Variants in OSBPL2 observed in about 807,000 individuals in gnomAD.
OSBPL2 encodes the protein oxysterol-binding protein-related protein 2.
OSBPL2 carries 18 observed loss-of-function variants against 58.4 expected under a neutral mutation model. The ratio of observed to expected loss-of-function variants is 0.31; its 90% CI spans 0.21 to 0.46. The LOEUF (loss-of-function observed/expected upper bound fraction) is 0.46. Among genes scored for constraint, OSBPL2 ranks in the 20% least tolerant of loss-of-function variants. OSBPL2 has a pLI of 1.00. For synonymous variants in OSBPL2, 221 were observed against 234.1 expected (o/e 0.94, Z 0.51); for missense variants, 461 against 616.5 (o/e 0.75, Z 2.67).
intron 6 of OSBPL2, among the ~76,000 whole-genome samples, chr20:62,276,298 G>T (rs1982384215): frequency 6.6e-6 from 1 of 152,232 alleles, no homozygotes; most frequent in African/African-American, 2.4e-5. Context: ...AGTGTGTAAA[G>T]AGTTTAAAAG....
At chr20:62,287,047 G>A (rs1341650073) in intron 11 of OSBPL2, among the ~76,000 whole-genome samples, 3 of 152,276 alleles carry the variant, frequency 2.0e-5, no homozygotes, top group Non-Finnish European at 2.9e-5. Context: ...GGGAACATCA[G>A]ACAGACGTGG....
At chr20:62,267,184 G>T (rs1481583699) in intron 4 of OSBPL2, among the ~76,000 whole-genome samples, 1 of 152,206 alleles carries the variant, frequency 6.6e-6, no homozygotes, top group Non-Finnish European at 1.5e-5. Context: ...GGTTGAGGCT[G>T]CAGTGACTGG....
intron 6 of OSBPL2, among the ~76,000 whole-genome samples, chr20:62,274,921 T>G (rs2145955715): frequency 6.6e-6 from 1 of 152,366 alleles, no homozygotes; most frequent in Non-Finnish European, 1.5e-5. Context: ...CTTATTTGGA[T>G]TCTGGGTTAG....
Position 62,295,417 on chromosome 20 carries a change from A to G in OSBPL2, c.*1530A>G, listed in dbSNP as rs1601212138. 6.6e-6 allele frequency: 1 copy of G among 152,180 alleles called. No individual in the cohort carries two copies. Among genetic ancestry groups the G allele is most frequent in the Admixed American group, 6.5e-5 (1 of 15,268 alleles). 9.4% of individuals were successfully genotyped at this position (152,180 alleles called of 1,614,324 possible). On this transcript the variant is annotated 3_prime_UTR_variant, in exon 14 of 14. Coordinates refer to ENST00000313733, the MANE Select transcript of OSBPL2 (RefSeq NM_144498.4). The surrounding 1 kb of genome is among the most constrained non-coding windows in gnomAD (Gnocchi z 4.8). ...CCGGCACTTCTGAGTGACAGGTGCC[A>G]CCTGCGTGTGTCTTGGCGTCCACAT...
intron 6 of OSBPL2, among the ~76,000 whole-genome samples, chr20:62,278,073 A>C (rs7273498): frequency 0.076 from 11,580 of 152,266 alleles, 554 homozygotes; most frequent in South Asian, 0.17. Context: ...GGGTACCTCT[A>C]GCCAGACACT....
chr20:62,256,115 G>C lies in OSBPL2; in HGVS notation c.-70G>C. On this transcript the variant is annotated 5_prime_UTR_variant, in exon 2 of 14. Coordinates refer to ENST00000313733, the MANE Select transcript of OSBPL2 (RefSeq NM_144498.4). The stretch of plus-strand genomic sequence containing the variant: ...AGTTTGTAAAATTCCTTACACTGTA[G>C]ATGTGGATCAGATACGATGATTCAG... The C allele has an allele frequency of 6.5e-7, 1 of 1,537,372 alleles. No individual in the cohort carries two copies. The highest frequency in any genetic ancestry group is 1.1e-5 in the South Asian group (1 of 88,418).
At chr20:62,271,208 T>C (rs112267595) in intron 4 of OSBPL2, among the ~76,000 whole-genome samples, 2,932 of 151,980 alleles carry the variant, frequency 0.019, 93 homozygotes, top group African/African-American at 0.066. Context: ...GTGGCCCCTG[T>C]GGGCACTCGT....
chr20:62,260,431 C>T (rs1013138780), intron 3 of OSBPL2, among the ~76,000 whole-genome samples: 1 of 152,186 alleles, frequency 6.6e-6, no homozygotes, highest in Non-Finnish European at 1.5e-5. Context: ...GTGACACAGG[C>T]TTTGTCAGGG....
chr20:62,286,652 G>A lies in OSBPL2; in HGVS notation c.1066G>A (p.Val356Ile). 1 of 1,613,746 alleles carries A rather than the reference G, an allele frequency of 6.2e-7. No homozygotes were observed. Among genetic ancestry groups the A allele is most frequent in the East Asian group, 2.2e-5 (1 of 44,888 alleles). The change falls in exon 11 of 14, where the codon GTC (valine) becomes ATC (isoleucine). Residue 356 changes from valine (V) to isoleucine (I), a missense_variant. Val to Ile is a conservative substitution (Grantham distance 29). Transcript: ENST00000313733. ...GCCTGTGGCCCAGGAGACCGTGCAGGTCATTCCTGGCAGCAAGCTGCTCTG... is the reference window on the plus strand; with the variant it reads ...GCCTGTGGCCCAGGAGACCGTGCAGATCATTCCTGGCAGCAAGCTGCTCTG... ...DVPVAQETVQVIPGSKLLWRI... is the reference protein window; with the variant it reads ...DVPVAQETVQIIPGSKLLWRI...
chr20:62,259,658 G>A (rs761343600), intron 2 of OSBPL2, among the ~76,000 whole-genome samples: 7 of 152,188 alleles, frequency 4.6e-5, no homozygotes, highest in Non-Finnish European at 1.0e-4. Context: ...AGAGCATGTA[G>A]GTCACAGATT....
Position 62,263,619 on chromosome 20 carries a change from A to G in OSBPL2, c.186A>G (p.Thr62=), listed in dbSNP as rs775915468. 21 of 1,614,016 alleles carry G rather than the reference A, an allele frequency of 1.3e-5. No individual in the cohort carries two copies. In the Admixed American group the frequency reaches 2.5e-4, roughly 19 times the overall value. ...GCACCCCTTTTGTGCTTCGCAGGAC[A>G]TCGCTGCCGGCTCCCATGTTCAGCA... is the stretch of plus-strand genomic sequence containing the variant. The part of the protein sequence containing the change: ...SQENGIQKHR[T]SLPAPMFSRS... The change falls in exon 4 of 14, where the codon ACA becomes ACG. Residue 62 remains threonine (T), a synonymous_variant. Transcript: ENST00000313733.
intron 1 of OSBPL2, among the ~76,000 whole-genome samples, chr20:62,243,763 A>G (rs1979896975): frequency 6.6e-6 from 1 of 152,106 alleles, no homozygotes; most frequent in African/African-American, 2.4e-5. Flanking sequence ...GACCCCTTTG[A>G]GAACTTCATG....
At chr20:62,258,683 A>G (rs1015181840) in intron 2 of OSBPL2, among the ~76,000 whole-genome samples, 3 of 151,978 alleles carry the variant, frequency 2.0e-5, no homozygotes, top group Non-Finnish European at 2.9e-5. Flanking sequence ...GAATGTTATT[A>G]GGCCATCCAT....
chr20:62,291,407 C>A, intron 12 of OSBPL2: 1 of 416,540 alleles, frequency 2.4e-6, no homozygotes, highest in Non-Finnish European at 4.6e-6. Context: ...GGTGCCTGGG[C>A]CCTGCCTGTC....
At chr20:62,281,440 G>A (rs2145966489) in intron 8 of OSBPL2, 2 of 517,516 alleles carry the variant, frequency 3.9e-6, no homozygotes, top group Non-Finnish European at 3.5e-6. Flanking sequence ...GTGCAGCGCA[G>A]TGGCCGTCCA....
intron 6 of OSBPL2, among the ~76,000 whole-genome samples, chr20:62,276,884 G>C (rs1013677262): frequency 2.6e-5 from 4 of 152,230 alleles, no homozygotes; most frequent in Admixed American, 2.6e-4. Context: ...TCGTCCTCTG[G>C]TCAGCGTGCT....
chr20:62,245,993 G>T (rs1054336774), intron 1 of OSBPL2, among the ~76,000 whole-genome samples: 1 of 152,270 alleles, frequency 6.6e-6, no homozygotes, highest in Admixed American at 6.5e-5. Flanking sequence ...GGCCTGGCCT[G>T]GCGGTGTCCT....
At chr20:62,254,402 A>C (rs1267613427) in intron 1 of OSBPL2, among the ~76,000 whole-genome samples, 1 of 152,210 alleles carries the variant, frequency 6.6e-6, no homozygotes, top group Non-Finnish European at 1.5e-5. Flanking sequence ...TGTGAAGGGG[A>C]CCTGAGTGAG....
chr20:62,291,208 C>T, intron 12 of OSBPL2: 1 of 120,942 alleles, frequency 8.3e-6, no homozygotes, highest in Non-Finnish European at 1.9e-5. Flanking sequence ...CGAGTGTGAC[C>T]TGGGAATGGA....
Sources: allele counts gnomAD v4.1 joint callset (sites outside exome capture counted in the v4.1 genomes callset), GRCh38; gene constraint gnomAD v4.1.1; non-coding constraint Gnocchi (gnomAD v3.1); transcripts MANE v1.5; gene names NCBI Gene and HGNC (gene_info 2026-07-23, HGNC 2026-07-21).